SLC35D1: variants seen among roughly 807,000 people sequenced by gnomAD.
The protein encoded by SLC35D1 is solute carrier family 35 member D1, also known as nucleotide sugar transporter SLC35D1.
In SLC35D1, 31 loss-of-function variants were observed where a neutral mutation model predicts 46.7. The ratio of observed to expected loss-of-function variants is 0.66; its 90% CI spans 0.50 to 0.90. The LOEUF is 0.90. SLC35D1 is among the 40% of genes least tolerant of loss of function. The probability of loss-of-function intolerance (pLI) is 0.00; values close to 1 mark genes in which losing one functional copy is unlikely to be tolerated. For missense variants in SLC35D1, 397 were observed against 426.2 expected (o/e 0.93, Z 0.60); for synonymous variants, 195 against 164.6 (o/e 1.18, Z -1.41).
rs774667463 is a variant in SLC35D1, at chr1:67,053,816, A to AT, written c.197dup (p.Asn66LysfsTer35). On this transcript the variant is annotated frameshift_variant, in exon 1 of 12. Transcript: ENST00000235345. LOFTEE classifies it high-confidence loss of function. The stretch of plus-strand genomic sequence containing the variant: ...CGCCGCCGCCTCGGCCCTACCTGTA[A>AT]TTGGTGAGCACGCTCTTATTCACCA... 1 of 1,606,784 alleles carries AT rather than the reference A, an allele frequency of 6.2e-7. No individual in the cohort carries two copies. Among genetic ancestry groups the AT allele is most frequent in the East Asian group, 2.3e-5 (1 of 44,162 alleles).
downstream of SLC35D1, among the ~76,000 whole-genome samples, chr1:66,998,381 C>A (rs192151612): frequency 4.9e-4 from 74 of 152,110 alleles, no homozygotes; most frequent in African/African-American, 1.7e-3. Flanking sequence ...CCCAGTCACT[C>A]CAGAGGCTAA....
chr1:66,986,204 C>T, the SLC35D1 span: 2 of 1,250,426 alleles, frequency 1.6e-6, no homozygotes, highest in Non-Finnish European at 1.0e-6. Flanking sequence ...TAATGCTTTT[C>T]CAAAGTGAAA....
At chr1:67,025,925 A>G (rs1449815591) in intron 8 of SLC35D1, among the ~76,000 whole-genome samples, 1 of 152,164 alleles carries the variant, frequency 6.6e-6, no homozygotes, top group East Asian at 1.9e-4. Context: ...AATTAGTTCC[A>G]ATCACTTTTT....
rs758168156 is a variant in SLC35D1 at position 67,053,941 on chromosome 1, C to G, written c.73G>C (p.Asp25His). ...GACGCCATCCCCAGCTCCTCCTCAT[C>G]TCGGAGTGTGGAGGATTTCGCGGGG... is the stretch of plus-strand genomic sequence containing the variant. ...EAPAKSSTLR[D>H]EEELGMASAE... is the part of the protein sequence containing the mutation. The change falls in exon 1 of 12, where the codon GAT becomes CAT. Residue 25 changes from aspartate to histidine, a missense_variant. By Grantham distance (81) the Asp-to-His change is moderately conservative (BLOSUM62 -1). Coordinates refer to ENST00000235345, the MANE Select transcript of SLC35D1 (RefSeq NM_015139.3). 22 of 1,613,702 alleles carry G rather than the reference C, an allele frequency of 1.4e-5. No individual in the cohort carries two copies. In the African/African-American group the frequency reaches 2.7e-4, roughly 20 times the overall value.
At chr1:67,043,664 G>A (rs79971208) in intron 7 of SLC35D1, among the ~76,000 whole-genome samples, 5,387 of 152,272 alleles carry the variant, frequency 0.035, 243 homozygotes, top group East Asian at 0.22. Context: ...AAGTATTTCC[G>A]AAAACGTGTA....
Position 67,053,947 on chromosome 1 carries a change from G to C in SLC35D1, c.67C>G (p.Leu23Val), listed in dbSNP as rs1285751372. ...ATCCCCAGCTCCTCCTCATCTCGGA[G>C]TGTGGAGGATTTCGCGGGGGCTTCT... Reference protein sequence around the residue: ...KGEAPAKSSTLRDEEELGMAS... With the variant: ...KGEAPAKSSTVRDEEELGMAS... The change falls in exon 1 of 12, where the codon CTC becomes GTC. Residue 23 changes from leucine (L) to valine (V), a missense_variant. Transcript: ENST00000235345. 1 of 1,613,738 alleles carries C rather than the reference G, an allele frequency of 6.2e-7. No homozygotes were observed. The highest frequency in any genetic ancestry group is 1.7e-5 in the Admixed American group (1 of 60,022).
At chr1:66,985,176 G>C in the SLC35D1 span, 1 of 988,360 alleles carries the variant, frequency 1.0e-6, no homozygotes, top group Non-Finnish European at 1.2e-6. Flanking sequence ...AGTTCATTCA[G>C]ATTTACTAAT....
Position 67,053,860 on chromosome 1 carries a change from T to C in SLC35D1, c.154A>G (p.Ser52Gly). 2 of 1,613,418 alleles carry C rather than the reference T, an allele frequency of 1.2e-6. No individual in the cohort carries two copies. The highest frequency in any genetic ancestry group is 1.7e-6 in the Non-Finnish European group (2 of 1,179,584). The change falls in exon 1 of 12, where the codon AGC (serine) becomes GGC (glycine). Residue 52 changes from serine to glycine, a missense_variant. Ser to Gly is a moderately conservative substitution (Grantham distance 56). Transcript: ENST00000235345. ...TTCACCACCACGATCAGGAAGGAGCTCACGCCGTAAAAGCCGGCGGCCAGC... is the reference window on the plus strand; with the variant it reads ...TTCACCACCACGATCAGGAAGGAGCCCACGCCGTAAAAGCCGGCGGCCAGC... ...KLLAAGFYGV[S>G]SFLIVVVNKS...
At chr1:66,985,387 G>A in the SLC35D1 span, 4 of 984,010 alleles carry the variant, frequency 4.1e-6, no homozygotes, top group Non-Finnish European at 4.8e-6. Context: ...AACAGTTTGA[G>A]TATCTTTATT....
At chr1:67,030,275 T>G (rs1428159441) in intron 8 of SLC35D1, among the ~76,000 whole-genome samples, 1 of 152,168 alleles carries the variant, frequency 6.6e-6, no homozygotes, top group Non-Finnish European at 1.5e-5. Flanking sequence ...GAGAGTTTAT[T>G]TTACCCAAGC....
intron 8 of SLC35D1, among the ~76,000 whole-genome samples, chr1:67,037,319 G>GT (rs147340014): frequency 0.069 from 10,499 of 152,044 alleles, 1,169 homozygotes; most frequent in African/African-American, 0.24. Context: ...AAAAATGTGG[G>GT]TTTTTTTGTT....
chr1:67,050,037 C>T (rs1440967328), intron 5 of SLC35D1, among the ~76,000 whole-genome samples, 187 bp from the exon 6 acceptor site: 1 of 152,200 alleles, frequency 6.6e-6, no homozygotes, highest in East Asian at 1.9e-4. Context: ...TAAGTTATTA[C>T]ACCCACTTTT....
At chr1:67,047,982 G>A (rs900641993) in intron 6 of SLC35D1, among the ~76,000 whole-genome samples, 2 of 152,140 alleles carry the variant, frequency 1.3e-5, no homozygotes, top group African/African-American at 4.8e-5. Context: ...TACCAGGCAC[G>A]AGATAAGAAT....
At chr1:66,990,519 A>C in the SLC35D1 span, among the ~76,000 whole-genome samples, 1 of 152,060 alleles carries the variant, frequency 6.6e-6, no homozygotes, top group Non-Finnish European at 1.5e-5. Context: ...CGCCTGCCCC[A>C]GCCTCCCAAA....
Position 67,054,147 on chromosome 1 carries a change from T to A in SLC35D1, c.-134A>T. 1.2e-6 allele frequency: 1 copy of A among 831,798 alleles called. No individual in the cohort carries two copies. The highest frequency in any genetic ancestry group is 1.8e-6 in the Non-Finnish European group (1 of 551,776). The allele number at this position is 831,798 out of a possible 1,614,324, so 51.5% of individuals were successfully genotyped here. A position where few individuals can be genotyped will look rare whatever the true frequency, so the allele number is the denominator to read the frequency against. ...CGCGCTCGCCGCCTCGACTCCCCGC[T>A]TGGCCGCCGCCTGTCCCCGCCCAGG... On this transcript the variant is annotated 5_prime_UTR_variant, in exon 1 of 12. It adds an upstream start codon to the 5' untranslated region. Transcript: ENST00000235345.
At chr1:66,994,018 T>C in the SLC35D1 span, among the ~76,000 whole-genome samples, 1 of 148,754 alleles carries the variant, frequency 6.7e-6, no homozygotes, top group African/African-American at 2.6e-5. Flanking sequence ...CTGGCTTACC[T>C]AAAATGCAGG....
At chr1:67,043,015 T>C (rs990372829) in intron 7 of SLC35D1, among the ~76,000 whole-genome samples, 2 of 151,974 alleles carry the variant, frequency 1.3e-5, no homozygotes, top group South Asian at 2.1e-4. Context: ...CTGGCCAACA[T>C]AGTGAAACTG....
intron 8 of SLC35D1, among the ~76,000 whole-genome samples, chr1:67,026,256 G>T (rs1667911881): frequency 6.6e-6 from 1 of 152,114 alleles, no homozygotes; most frequent in African/African-American, 2.4e-5. Context: ...TAGGTTTTCT[G>T]CATCTATTTA....
chr1:66,991,992 G>C, the SLC35D1 span, among the ~76,000 whole-genome samples: 2 of 152,270 alleles, frequency 1.3e-5, no homozygotes, highest in East Asian at 3.9e-4. Context: ...ACCTTAAAGG[G>C]AAAATATTTT....
Sources: allele counts gnomAD v4.1 joint callset (sites outside exome capture counted in the v4.1 genomes callset), GRCh38; gene constraint gnomAD v4.1.1; transcripts MANE v1.5; gene names NCBI Gene and HGNC (gene_info 2026-07-23, HGNC 2026-07-21).